The following FRMD4B variants were observed in gnomAD, a reference collection of about 807,000 sequenced individuals.
The protein encoded by FRMD4B is FERM domain containing 4B.
FRMD4B carries 74 observed loss-of-function variants against 141.5 expected under a neutral mutation model. That is an observed-to-expected ratio of 0.52 (90% CI 0.43 to 0.63). FRMD4B has a LOEUF of 0.63. FRMD4B is among the 30% of genes least tolerant of loss of function. The probability of loss-of-function intolerance (pLI) is 0.00; values close to 1 mark genes in which losing one functional copy is unlikely to be tolerated. For synonymous variants in FRMD4B, 506 were observed against 467.9 expected, an observed-to-expected ratio of 1.08 and a Z score of -1.05; for missense variants, 1,366 against 1,253.4, an observed-to-expected ratio of 1.09 and a Z score of -1.36.
intron 1 of FRMD4B, among the ~76,000 whole-genome samples, chr3:69,329,685 G>GCC (rs1250105654): frequency 6.6e-6 from 1 of 151,132 alleles, no homozygotes; most frequent in Non-Finnish European, 1.5e-5. Context: ...CCGCCACCAG[G>GCC]CCTGGCTAAT....
At chr3:69,225,098 C>T (rs76572300) in intron 7 of FRMD4B, among the ~76,000 whole-genome samples, 2,459 of 152,182 alleles carry the variant, frequency 0.016, 73 homozygotes, top group East Asian at 0.071. Flanking sequence ...AACAATTTTT[C>T]GTAATAGATA....
At chr3:69,357,746 C>T (rs1226787128) in intron 1 of FRMD4B, among the ~76,000 whole-genome samples, 2 of 152,142 alleles carry the variant, frequency 1.3e-5, no homozygotes, top group African/African-American at 2.4e-5. Flanking sequence ...TGCAGTTTTC[C>T]AAAATTCTGA....
At chr3:69,215,348 G>T (rs1351789088) in intron 11 of FRMD4B, among the ~76,000 whole-genome samples, 2 of 105,350 alleles carry the variant, frequency 1.9e-5, no homozygotes, top group Admixed American at 2.6e-4. Flanking sequence ...GCTGGAGTGC[G>T]GTGGCACAAT....
chr3:69,516,496 A>G (rs1575597680), intron 1 of FRMD4B, among the ~76,000 whole-genome samples: 1 of 152,214 alleles, frequency 6.6e-6, no homozygotes, highest in Non-Finnish European at 1.5e-5. Context: ...GGCAGCTCCC[A>G]GAAAGTAGAA....
chr3:69,523,021 G>A (rs994166343), intron 1 of FRMD4B, among the ~76,000 whole-genome samples: 42 of 151,828 alleles, frequency 2.8e-4, no homozygotes, highest in Admixed American at 2.8e-3. Context: ...AAAATTTTCA[G>A]GAATCCATTC....
intron 1 of FRMD4B, chr3:69,536,401 G>A (rs12633390): frequency 2.0e-5 from 14 of 711,308 alleles, no homozygotes; most frequent in Non-Finnish European, 2.6e-5. Context: ...AGTGGCCAGC[G>A]CCTGCTTCAG....
intron 4 of FRMD4B, among the ~76,000 whole-genome samples, chr3:69,300,519 G>T (rs1484552969): frequency 6.6e-6 from 1 of 152,154 alleles, no homozygotes; most frequent in African/African-American, 2.4e-5. Context: ...TACAGAAAGG[G>T]AGATAGGGTT....
At chr3:69,376,433 G>T (rs1703972552) in intron 1 of FRMD4B, among the ~76,000 whole-genome samples, 1 of 151,844 alleles carries the variant, frequency 6.6e-6, no homozygotes, top group Non-Finnish European at 1.5e-5. Context: ...GAAAGGCCTA[G>T]CATATAGCAG....
chr3:69,383,136 A>G (rs1704158538), intron 1 of FRMD4B, among the ~76,000 whole-genome samples: 1 of 152,188 alleles, frequency 6.6e-6, no homozygotes, highest in Non-Finnish European at 1.5e-5. Context: ...TTCTCATTTT[A>G]TAAATGATGA....
intron 14 of FRMD4B, among the ~76,000 whole-genome samples, 160 bp from the exon 15 acceptor site, chr3:69,195,524 C>T (rs181582613): frequency 4.6e-4 from 70 of 152,266 alleles, no homozygotes; most frequent in African/African-American, 1.7e-3. Context: ...AACATTTTCT[C>T]ATTCTTCTGG....
At chr3:69,193,484 G>T (rs113614150) in intron 17 of FRMD4B, among the ~76,000 whole-genome samples, 164 bp downstream of exon 17, 5,758 of 152,226 alleles carry the variant, frequency 0.038, 276 homozygotes, top group African/African-American at 0.11. Flanking sequence ...CTCCAGCCTG[G>T]GCAACAAGAG....
rs111877006 is a variant in FRMD4B, at chr3:69,490,467, C to T, written c.-129+51739G>A. ...GTCTCTCAAACATGCCAGGCTTGTT[C>T]CTATTGCAGGCGTTTGCAATGGTGC... On this transcript the variant is annotated intron_variant, in intron 1 of 5. Coordinates refer to the FRMD4B transcript ENST00000459638. Among the ~76,000 whole-genome samples the T allele has an allele frequency of 4.5e-3, 692 of 152,262 alleles. 8 individuals carry two copies. Among genetic ancestry groups the T allele is most frequent in the African/African-American group, 0.016 (652 of 41,558 alleles).
chr3:69,509,250 A>G (rs1004586125), intron 1 of FRMD4B, among the ~76,000 whole-genome samples: 2 of 152,198 alleles, frequency 1.3e-5, no homozygotes, highest in South Asian at 4.1e-4. Context: ...CCTGGAACGG[A>G]AGCGATCGCT....
intron 1 of FRMD4B, among the ~76,000 whole-genome samples, chr3:69,346,841 T>C (rs1439951893): frequency 6.6e-6 from 1 of 152,044 alleles, no homozygotes; most frequent in Non-Finnish European, 1.5e-5. Flanking sequence ...GCACTAAACA[T>C]GGAAAGGAAA....
At chr3:69,237,011 G>C (rs1398445659) in intron 7 of FRMD4B, among the ~76,000 whole-genome samples, 8 of 152,166 alleles carry the variant, frequency 5.3e-5, no homozygotes, top group Non-Finnish European at 1.0e-4. Context: ...GCTCCACCTA[G>C]CCGGGTAAGC....
At chr3:69,266,402 T>C (rs377684167) in intron 5 of FRMD4B, among the ~76,000 whole-genome samples, 332 of 152,308 alleles carry the variant, frequency 2.2e-3, no homozygotes, top group African/African-American at 7.7e-3. Context: ...CTTGGCTCAC[T>C]GCAACCTCTG....
At chr3:69,424,704 A>G (rs1360914983) in intron 2 of FRMD4B, among the ~76,000 whole-genome samples, 2 of 152,230 alleles carry the variant, frequency 1.3e-5, no homozygotes, top group Non-Finnish European at 2.9e-5. Context: ...ATAAGACAAA[A>G]GAATTGAGGT....
rs2093233514 is a variant in FRMD4B at position 69,224,712 on chromosome 3, T to C, written c.582-22A>G. ...ATCACTAAAAAGAAATGGAATATGG[T>C]AATGTCAGGTACTGTTATCCAAAAA... On this transcript the variant is annotated intron_variant, in intron 7 of 22. Transcript: ENST00000398540. 5.1e-6 allele frequency: 6 copies of C among 1,177,548 alleles called. No individual in the cohort carries two copies. The East Asian group carries it at 1.5e-4, about 29-fold the overall frequency. 72.9% of individuals were successfully genotyped at this position (1,177,548 alleles called of 1,614,324 possible).
At chr3:69,306,406 T>A (rs892235522) in intron 3 of FRMD4B, 2 of 152,214 alleles carry the variant, frequency 1.3e-5, no homozygotes, top group African/African-American at 4.8e-5. Context: ...TGTTGTAAAG[T>A]CTATCTGTTA....
Sources: allele counts gnomAD v4.1 joint callset (sites outside exome capture counted in the v4.1 genomes callset), GRCh38; gene constraint gnomAD v4.1.1; transcripts MANE v1.5; gene names NCBI Gene and HGNC (gene_info 2026-07-23, HGNC 2026-07-21).